The following UCHL3 variants were observed in gnomAD, a reference collection of about 807,000 sequenced individuals.
The protein encoded by UCHL3 is ubiquitin C-terminal hydrolase L3, also known as ubiquitin carboxyl-terminal hydrolase isozyme L3.
A neutral mutation model predicts 35.8 loss-of-function variants in UCHL3; 22 were observed. That is an observed-to-expected ratio of 0.61 (90% CI 0.44 to 0.88). UCHL3 has a LOEUF of 0.88. UCHL3 is among the 40% of genes least tolerant of loss of function. The pLI is 0.00. For missense variants in UCHL3, 229 were observed against 276.9 expected (o/e 0.83, Z 1.23); for synonymous variants, 90 against 92.8 (o/e 0.97, Z 0.17).
chr13:75,603,743 A>G (rs2032847314), intron 7 of UCHL3, among the ~76,000 whole-genome samples: 1 of 152,122 alleles, frequency 6.6e-6, no homozygotes, highest in South Asian at 2.1e-4. Flanking sequence ...AAGATAGTAT[A>G]AGTTCATAGA....
At chr13:75,560,524 T>C (rs766851378) in intron 2 of UCHL3, among the ~76,000 whole-genome samples, 17 of 152,326 alleles carry the variant, frequency 1.1e-4, no homozygotes, top group African/African-American at 2.2e-4. Flanking sequence ...TGAAGTATAA[T>C]TGACAAAAAT....
intron 2 of UCHL3, among the ~76,000 whole-genome samples, chr13:75,555,633 TAGA>T (rs1315603794): frequency 6.6e-6 from 1 of 150,986 alleles, no homozygotes; most frequent in Admixed American, 6.6e-5. Context: ...AATATATAAG[TAGA>T]AGAATTATAT....
chr13:75,560,383 T>C (rs1378596499), intron 2 of UCHL3, among the ~76,000 whole-genome samples: 1 of 152,206 alleles, frequency 6.6e-6, no homozygotes, highest in African/African-American at 2.4e-5. Context: ...AAATGGAGTT[T>C]GAAAAAAGAG....
intron 6 of UCHL3, among the ~76,000 whole-genome samples, chr13:75,573,886 G>A (rs1245553584): frequency 2.6e-5 from 4 of 152,192 alleles, no homozygotes; most frequent in African/African-American, 9.7e-5. Flanking sequence ...GCTCTTTGCA[G>A]AGTTGGAGAC....
chr13:75,567,089 AT>A, intron 4 of UCHL3, 137 bp from the exon 5 acceptor site: 1 of 891,182 alleles, frequency 1.1e-6, no homozygotes, highest in Non-Finnish European at 1.7e-6. Context: ...CTTATCATTT[AT>A]AACATGATCC....
chr13:75,561,950 A>G (rs1050761430), intron 3 of UCHL3, among the ~76,000 whole-genome samples: 6 of 152,024 alleles, frequency 3.9e-5, no homozygotes, highest in Non-Finnish European at 8.8e-5. Context: ...TGCATTTTAT[A>G]ATAGATTTTG....
intron 2 of UCHL3, among the ~76,000 whole-genome samples, chr13:75,550,354 T>G (rs570889086): frequency 6.6e-6 from 1 of 152,328 alleles, no homozygotes; most frequent in East Asian, 1.9e-4. Context: ...ATGACTAATT[T>G]GCCCACACTT....
At chr13:75,593,066 T>A (rs2032554952) in intron 6 of UCHL3, among the ~76,000 whole-genome samples, 1 of 152,152 alleles carries the variant, frequency 6.6e-6, no homozygotes, top group Non-Finnish European at 1.5e-5. Flanking sequence ...AAATAGAAGC[T>A]ATAAGATGTG....
intron 3 of UCHL3, among the ~76,000 whole-genome samples, chr13:75,564,273 C>T (rs190924612): frequency 0.01 from 1,551 of 152,046 alleles, 25 homozygotes; most frequent in South Asian, 0.071. Flanking sequence ...ACCTCAGCCT[C>T]CCGAGTAGCT....
intron 3 of UCHL3, among the ~76,000 whole-genome samples, chr13:75,563,127 T>TTATG (rs1215333452): frequency 0.26 from 14,530 of 56,194 alleles, 819 homozygotes; most frequent in Middle Eastern, 0.52. Flanking sequence ...TCATTATCCT[T>TTATG]TATGTATGTA....
intron 6 of UCHL3, among the ~76,000 whole-genome samples, chr13:75,593,673 C>T (rs1344769516): frequency 9.2e-5 from 14 of 152,188 alleles, no homozygotes; most frequent in Admixed American, 9.2e-4. Context: ...GCTAGAAGAG[C>T]TGGCTTGCCA....
chr13:75,555,953 A>G (rs2031280826), intron 2 of UCHL3, among the ~76,000 whole-genome samples: 1 of 152,214 alleles, frequency 6.6e-6, no homozygotes, highest in Non-Finnish European at 1.5e-5. Flanking sequence ...TAGTAATTTA[A>G]GTCCTCTCTG....
chr13:75,599,182 G>C (rs911223121), intron 7 of UCHL3, among the ~76,000 whole-genome samples: 1 of 150,060 alleles, frequency 6.7e-6, no homozygotes, highest in Admixed American at 6.7e-5. Context: ...TGTTGCCCAG[G>C]CTGGTCTTGA....
At position 75,560,791 on chromosome 13, in the gene UCHL3, C is replaced by T. The variant is rs192624215; in HGVS notation, c.93C>T (p.Phe31=). 3 of 1,599,882 alleles carry T rather than the reference C, an allele frequency of 1.9e-6. No homozygotes were observed. Among genetic ancestry groups the T allele is most frequent in the East Asian group, 2.3e-5 (1 of 44,382 alleles). ...KQLGLHPNWQ[F]VDVYGMDPEL... ...TAGGTCTACATCCTAACTGGCAATT[C>T]GTTGATGTATATGGAATGGATCCTG... Residue 31 remains phenylalanine, a synonymous_variant, in exon 3 of 9, where the codon TTC becomes TTT. Coordinates refer to ENST00000377595, the MANE Select transcript of UCHL3 (RefSeq NM_006002.5).
intron 3 of UCHL3, among the ~76,000 whole-genome samples, chr13:75,561,570 G>T (rs536852600): frequency 6.6e-6 from 1 of 151,474 alleles, no homozygotes; most frequent in East Asian, 1.9e-4. Flanking sequence ...AATCTTCTTT[G>T]CTTATTTTAA....
intron 2 of UCHL3, among the ~76,000 whole-genome samples, chr13:75,560,493 A>T (rs986582581): frequency 1.3e-4 from 20 of 152,192 alleles, no homozygotes; most frequent in African/African-American, 4.6e-4. Flanking sequence ...CTTTACTACC[A>T]TTCTGCCCCC....
chr13:75,574,244 G>C (rs1211582253), intron 6 of UCHL3, among the ~76,000 whole-genome samples: 1 of 151,838 alleles, frequency 6.6e-6, no homozygotes, highest in African/African-American at 2.4e-5. Context: ...ACTTTTCAGA[G>C]AAGCCTTCTT....
At chr13:75,592,460 A>ATGTATATATGTATATATATATATT (rs1366080634) in intron 6 of UCHL3, among the ~76,000 whole-genome samples, 1 of 110,330 alleles carries the variant, frequency 9.1e-6, no homozygotes, top group Non-Finnish European at 1.9e-5. Context: ...ATATATATAT[A>ATGTATATATGTATATATATATATT]TATATATGAA....
chr13:75,572,423 T>G (rs2031889755), intron 6 of UCHL3, among the ~76,000 whole-genome samples: 1 of 152,268 alleles, frequency 6.6e-6, no homozygotes, highest in South Asian at 2.1e-4. Flanking sequence ...TGTCATAGTT[T>G]ACTTGGCGTT....
Sources: allele counts gnomAD v4.1 joint callset (sites outside exome capture counted in the v4.1 genomes callset), GRCh38; gene constraint gnomAD v4.1.1; transcripts MANE v1.5; gene names NCBI Gene and HGNC (gene_info 2026-07-23, HGNC 2026-07-21).